EPG5: variants seen among roughly 807,000 people sequenced by gnomAD.
EPG5 encodes the protein ectopic P granules protein 5 homolog.
A neutral mutation model predicts 302.7 loss-of-function variants in EPG5; 159 were observed. The ratio of observed to expected loss-of-function variants is 0.53; its 90% CI spans 0.46 to 0.60. The LOEUF (loss-of-function observed/expected upper bound fraction) is 0.60. EPG5 is among the 20% of genes least tolerant of loss of function. EPG5 has a pLI of 0.00. For missense variants in EPG5, 2,896 were observed against 3,092.4 expected (o/e 0.94, Z 1.51); for synonymous variants, 1,158 against 1,136.8 (o/e 1.02, Z -0.37).
intron 9 of EPG5, among the ~76,000 whole-genome samples, chr18:45,941,067 T>C (rs1412538294): frequency 6.6e-6 from 1 of 152,118 alleles, no homozygotes; most frequent in East Asian, 1.9e-4. Flanking sequence ...TAAAGATGAA[T>C]GAATGACATC....
intron 36 of EPG5, among the ~76,000 whole-genome samples, chr18:45,868,612 G>A (rs1027737896): frequency 2.0e-5 from 3 of 151,036 alleles, no homozygotes; most frequent in Non-Finnish European, 4.4e-5. Context: ...CAGGTGATCT[G>A]TCCACCTCAG....
At chr18:45,929,098 A>T in intron 12 of EPG5, 89 bp from the exon 13 acceptor site, 1 of 1,343,124 alleles carries the variant, frequency 7.4e-7, no homozygotes, top group Middle Eastern at 1.9e-4. Flanking sequence ...AGCAAAGCAG[A>T]AAGAATCTTA....
intron 39 of EPG5, among the ~76,000 whole-genome samples, chr18:45,862,110 A>G (rs2048647644): frequency 6.6e-6 from 1 of 152,184 alleles, no homozygotes; most frequent in Non-Finnish European, 1.5e-5. Context: ...ATTGGTTCCC[A>G]GATGATGTAA....
chr18:45,946,823 T>A (rs1174163674), intron 6 of EPG5, 55 bp from the exon 7 acceptor site: 1 of 1,363,422 alleles, frequency 7.3e-7, no homozygotes, highest in African/African-American at 1.4e-5. Context: ...CGTGAGTGCA[T>A]TGTGGATTCT....
the EPG5 span, among the ~76,000 whole-genome samples, chr18:45,801,563 C>T: frequency 6.6e-6 from 1 of 152,222 alleles, no homozygotes; most frequent in Non-Finnish European, 1.5e-5. Context: ...AGGGATGGCA[C>T]TGAGCTTAGT....
intron 23 of EPG5, 124 bp downstream of exon 23, chr18:45,910,397 C>T (rs1030907237): frequency 2.9e-6 from 2 of 682,510 alleles, no homozygotes; most frequent in Non-Finnish European, 4.9e-6. Context: ...ATCAAAGCCA[C>T]CTTCCATATT....
At chr18:45,863,077 T>G (rs1357674117) in intron 39 of EPG5, among the ~76,000 whole-genome samples, 1 of 152,228 alleles carries the variant, frequency 6.6e-6, no homozygotes, top group African/African-American at 2.4e-5. Flanking sequence ...TACAAAGTTT[T>G]CTGCCTTACA....
intron 10 of EPG5, 38 bp downstream of exon 10, chr18:45,939,562 G>T: frequency 6.3e-7 from 1 of 1,593,256 alleles, no homozygotes; most frequent in Non-Finnish European, 8.6e-7. Flanking sequence ...TAGTGAGGAA[G>T]TTACTTCTCA....
At chr18:45,897,448 CCTCA>C (rs957329258) in intron 27 of EPG5, among the ~76,000 whole-genome samples, 1 of 152,080 alleles carries the variant, frequency 6.6e-6, no homozygotes, top group African/African-American at 2.4e-5. Context: ...TCAGTTTTTT[CCTCA>C]CTAACTCGAA....
chr18:45,915,628 C>G lies in EPG5; in HGVS notation c.3583-7G>C, dbSNP rs1372657836. On this transcript the variant is annotated splice_region_variant and splice_polypyrimidine_tract_variant and intron_variant, in intron 19 of 43. Coordinates refer to ENST00000282041, the MANE Select transcript of EPG5 (RefSeq NM_020964.3). ...AGTGGTAACCCAAGGCATTCTACAC[C>G]GGGAGATGTGGAGCAGAGAGAGGAG... is the stretch of plus-strand genomic sequence containing the variant. 1.9e-6 allele frequency: 3 copies of G among 1,607,174 alleles called. No homozygotes were observed. In the African/African-American group the frequency reaches 4.0e-5, roughly 22 times the overall value.
chr18:45,840,312 C>A, the EPG5 span: 1 of 1,513,584 alleles, frequency 6.6e-7, no homozygotes, highest in South Asian at 1.2e-5. Context: ...GGGGTCCAGG[C>A]AGGAGAAGGA....
chr18:45,919,648 G>T (rs1343439548), intron 16 of EPG5, among the ~76,000 whole-genome samples: 1 of 151,970 alleles, frequency 6.6e-6, no homozygotes, highest in Non-Finnish European at 1.5e-5. Flanking sequence ...GAGTAGCTGG[G>T]ACTACAGGCG....
In EPG5 at chr18:45,912,332, T is replaced by G. The variant is rs2049924586; in HGVS notation, c.3941A>C (p.Lys1314Thr). The G allele has an allele frequency of 6.2e-7, 1 of 1,608,136 alleles. No individual in the cohort carries two copies. The highest frequency in any genetic ancestry group is 1.1e-5 in the South Asian group (1 of 90,406). ...DHPLLPLIWQKFFLLYLHRPG... is the reference protein window; with the variant it reads ...DHPLLPLIWQTFFLLYLHRPG... ...ACGGTGAAGATACAGAAGGAAGAAC[T>G]TCTGCCAAATGAGTGGCAGGAGGGG... Residue 1314 changes from lysine to threonine, a missense_variant, in exon 22 of 44, where the codon AAG becomes ACG. By Grantham distance (78) the Lys-to-Thr change is moderately conservative. Around this residue, in one of 5 missense-constraint regions of EPG5, gnomAD observed 790 missense variants for 798.0 expected, o/e 0.99. Transcript: ENST00000282041.
intron 27 of EPG5, among the ~76,000 whole-genome samples, chr18:45,895,033 T>C (rs904314780): frequency 2.0e-5 from 3 of 152,056 alleles, no homozygotes; most frequent in African/African-American, 7.2e-5. Context: ...GAGGTGTGCA[T>C]ACCATGGAGA....
chr18:45,804,547 T>A, the EPG5 span, among the ~76,000 whole-genome samples: 1 of 152,092 alleles, frequency 6.6e-6, no homozygotes, highest in Non-Finnish European at 1.5e-5. Flanking sequence ...CAGAGGAGAA[T>A]AATGAGTCAA....
At chr18:45,841,422 C>T in the EPG5 span, among the ~76,000 whole-genome samples, 27 of 152,162 alleles carry the variant, frequency 1.8e-4, no homozygotes, top group Admixed American at 5.2e-4. Context: ...GCAGGAAAGG[C>T]GTGGGGGTTA....
chr18:45,814,212 C>G, the EPG5 span, among the ~76,000 whole-genome samples: 1 of 152,200 alleles, frequency 6.6e-6, no homozygotes, highest in East Asian at 1.9e-4. Flanking sequence ...CACAACATCA[C>G]TTTTATGGTA....
At chr18:45,907,918 G>A (rs200816009) in intron 24 of EPG5, 40 bp downstream of exon 24, 240 of 1,210,928 alleles carry the variant, frequency 2.0e-4, no homozygotes, top group Non-Finnish European at 2.6e-4. Flanking sequence ...ATTCAGATAT[G>A]CTAAAAAAAA....
At chr18:45,846,801 G>A (rs909316645), downstream of EPG5, among the ~76,000 whole-genome samples, 3 of 152,332 alleles carry the variant, frequency 2.0e-5, no homozygotes, top group African/African-American at 7.2e-5. Flanking sequence ...GAGGGCTGCT[G>A]GTTGCCCTTT....
Sources: allele counts gnomAD v4.1 joint callset (sites outside exome capture counted in the v4.1 genomes callset), GRCh38; gene constraint gnomAD v4.1.1; regional missense constraint gnomAD v4.1.1; transcripts MANE v1.5; gene names NCBI Gene and HGNC (gene_info 2026-07-23, HGNC 2026-07-21).